LUZP2: variants seen among roughly 807,000 people sequenced by gnomAD.
LUZP2 encodes leucine zipper protein 2.
LUZP2 carries 52 observed loss-of-function variants against 51.6 expected under a neutral mutation model. The observed-to-expected ratio is 1.01, with a 90% confidence interval of 0.81 to 1.27. The LOEUF is 1.27. Among genes scored for constraint, LUZP2 ranks in the 50% most tolerant of loss-of-function variants. The pLI is 0.00. For synonymous variants in LUZP2, 154 were observed against 137.3 expected (o/e 1.12, Z -0.85); for missense variants, 436 against 395.4 (o/e 1.10, Z -0.87).
At chr11:24,527,618 C>G (rs1282197266) in intron 1 of LUZP2, among the ~76,000 whole-genome samples, 1 of 149,366 alleles carries the variant, frequency 6.7e-6, no homozygotes, top group African/African-American at 2.5e-5. Flanking sequence ...TTGGCATCTT[C>G]TAGAAATTTC....
chr11:24,603,520 T>A (rs540635829), intron 1 of LUZP2, among the ~76,000 whole-genome samples: 1 of 151,394 alleles, frequency 6.6e-6, no homozygotes, highest in Admixed American at 6.6e-5. Context: ...TCTGAAAATA[T>A]AGAACACCAT....
intron 5 of LUZP2, among the ~76,000 whole-genome samples, chr11:24,838,911 C>G (rs2631480): frequency 0.16 from 23,700 of 151,458 alleles, 2,061 homozygotes; most frequent in African/African-American, 0.22. Flanking sequence ...ATGAAGCTCA[C>G]GTTTCATTCC....
chr11:25,031,276 C>G (rs1857678376), intron 9 of LUZP2, among the ~76,000 whole-genome samples: 1 of 151,586 alleles, frequency 6.6e-6, no homozygotes, highest in African/African-American at 2.4e-5. Context: ...TCCCAAAGTG[C>G]TGGTATTACA....
At chr11:24,670,884 T>A (rs964219430) in intron 1 of LUZP2, among the ~76,000 whole-genome samples, 4 of 151,918 alleles carry the variant, frequency 2.6e-5, no homozygotes, top group Non-Finnish European at 5.9e-5. Flanking sequence ...TTTTAATTAG[T>A]TTCTATGTAG....
chr11:24,587,745 A>G (rs1350835934), intron 1 of LUZP2, among the ~76,000 whole-genome samples: 1 of 152,144 alleles, frequency 6.6e-6, no homozygotes, highest in Non-Finnish European at 1.5e-5. Context: ...CTATGACACA[A>G]TCTCTGACTT....
At chr11:24,561,816 T>TATAATAATAATAATAATAATAATA (rs147360262) in intron 1 of LUZP2, among the ~76,000 whole-genome samples, 2,518 of 120,828 alleles carry the variant, frequency 0.021, 65 homozygotes, top group African/African-American at 0.058. Flanking sequence ...GAACTTAAAG[T>TATAATAATAATAATAATAATAATA]ATAATAATAA....
At chr11:24,962,721 T>C (rs1855453396) in intron 7 of LUZP2, among the ~76,000 whole-genome samples, 1 of 152,154 alleles carries the variant, frequency 6.6e-6, no homozygotes, top group South Asian at 2.1e-4. Flanking sequence ...TTTCCTCCTG[T>C]AGCTCATATT....
At chr11:24,930,553 C>G (rs777460081) in intron 7 of LUZP2, among the ~76,000 whole-genome samples, 3 of 152,130 alleles carry the variant, frequency 2.0e-5, no homozygotes, top group Non-Finnish European at 4.4e-5. Flanking sequence ...ATAGGAACCC[C>G]AATCCCTCCT....
chr11:24,708,207 G>A (rs1857673175), intron 1 of LUZP2, among the ~76,000 whole-genome samples: 1 of 152,080 alleles, frequency 6.6e-6, no homozygotes, highest in African/African-American at 2.4e-5. Context: ...AAGAAATTTG[G>A]AACTCATATC....
At chr11:24,741,302 A>C (rs1435730566) in intron 4 of LUZP2, among the ~76,000 whole-genome samples, 2 of 152,076 alleles carry the variant, frequency 1.3e-5, no homozygotes, top group African/African-American at 4.8e-5. Context: ...GATCAGGGGC[A>C]ACACAGTGAT....
At chr11:24,636,825 A>G (rs1169704832) in intron 1 of LUZP2, among the ~76,000 whole-genome samples, 6 of 152,068 alleles carry the variant, frequency 3.9e-5, no homozygotes, top group African/African-American at 1.5e-4. Context: ...GCAAGATTAA[A>G]AATAAAATTT....
chr11:24,925,760 T>C (rs561707822), intron 7 of LUZP2, among the ~76,000 whole-genome samples: 1 of 152,200 alleles, frequency 6.6e-6, no homozygotes, highest in Non-Finnish European at 1.5e-5. Context: ...TTTATTTCAA[T>C]AGGATTTTGA....
intron 5 of LUZP2, chr11:24,786,541 AATAT>A (rs1849250201): frequency 1.6e-6 from 1 of 621,454 alleles, no homozygotes; most frequent in East Asian, 1.4e-4. Flanking sequence ...ACAAATATAT[AATAT>A]ATAAACAGGT....
At chr11:25,039,276 C>T (rs1396963984) in intron 9 of LUZP2, among the ~76,000 whole-genome samples, 1 of 152,090 alleles carries the variant, frequency 6.6e-6, no homozygotes, top group Non-Finnish European at 1.5e-5. Context: ...TTTGGGTACA[C>T]TGGGGGATGC....
intron 1 of LUZP2, among the ~76,000 whole-genome samples, chr11:24,514,735 A>G (rs1420828861): frequency 6.6e-6 from 1 of 152,210 alleles, no homozygotes; most frequent in Non-Finnish European, 1.5e-5. Context: ...ATAAGATTAC[A>G]TGAATCTATT....
At chr11:24,901,453 A>G (rs186421833) in intron 5 of LUZP2, among the ~76,000 whole-genome samples, 230 of 152,294 alleles carry the variant, frequency 1.5e-3, no homozygotes, top group African/African-American at 5.2e-3. Context: ...TATACACCAA[A>G]ACTATAAAAC....
intron 1 of LUZP2, among the ~76,000 whole-genome samples, chr11:24,608,511 T>G (rs1565026077): frequency 6.6e-6 from 1 of 152,188 alleles, no homozygotes; most frequent in Non-Finnish European, 1.5e-5. Context: ...TCTCTTTAAA[T>G]GTAGACAATC....
chr11:24,721,245 C>A (rs1638306198), intron 1 of LUZP2, among the ~76,000 whole-genome samples: 1 of 152,092 alleles, frequency 6.6e-6, no homozygotes, highest in African/African-American at 2.4e-5. Flanking sequence ...TAACACCTGC[C>A]ATAATGAAGC....
chr11:25,068,334 G>C (rs1050272326), intron 10 of LUZP2, among the ~76,000 whole-genome samples: 1 of 151,734 alleles, frequency 6.6e-6, no homozygotes, highest in African/African-American at 2.4e-5. Flanking sequence ...AAATAAAAAG[G>C]TACTTTTATG....
Sources: gnomAD v4.1 joint callset for allele counts (sites outside exome capture counted in the v4.1 genomes callset) on GRCh38, gnomAD v4.1.1 for gene constraint, MANE v1.5 for transcripts, NCBI Gene and HGNC (gene_info 2026-07-23, HGNC 2026-07-21) for gene names.